ITPK1: variants seen among roughly 807,000 people sequenced by gnomAD.
The protein encoded by ITPK1 is inositol-tetrakisphosphate 1-kinase.
ITPK1 carries 21 observed loss-of-function variants against 45.3 expected under a neutral mutation model. The observed-to-expected ratio is 0.46, with a 90% CI of 0.33 to 0.67. ITPK1 has a LOEUF of 0.67. ITPK1 is among the 30% of genes least tolerant of loss of function. ITPK1 has a pLI of 0.02. For missense variants in ITPK1, 474 were observed against 573.5 expected, an observed-to-expected ratio of 0.83 and a Z score of 1.77; for synonymous variants, 258 against 253.6, an observed-to-expected ratio of 1.02 and a Z score of -0.16.
rs1357570540 is a variant in ITPK1, at chr14:93,034,174, C to T, written c.121-17373G>A. ...CCTTCCTCCCAGGTGCCCTCCCCCACATCCTGCCCCCAGCACACTGAACTG... is the reference window on the plus strand; with the variant it reads ...CCTTCCTCCCAGGTGCCCTCCCCCATATCCTGCCCCCAGCACACTGAACTG... On this transcript the variant is annotated intron_variant, in intron 3 of 10. Coordinates refer to ENST00000267615, the MANE Select transcript of ITPK1 (RefSeq NM_014216.6). The surrounding 1 kb of genome is among the most constrained non-coding windows in gnomAD (Gnocchi z 4.1). 6.6e-6 allele frequency among the ~76,000 whole-genome samples: 1 copy of T among 151,540 alleles called. No homozygotes were observed. The highest frequency in any genetic ancestry group is 2.4e-5 in the African/African-American group (1 of 41,174).
In ITPK1 at chr14:92,987,109, C is replaced by T. The variant is rs1008605650; in HGVS notation, c.364+6771G>A. Among the ~76,000 whole-genome samples the T allele has an allele frequency of 1.4e-4, 21 of 152,200 alleles. 1 individual carries two copies. The East Asian group carries it at 1.7e-3, about 13-fold the overall frequency. On this transcript the variant is annotated intron_variant, in intron 5 of 10. Coordinates refer to ENST00000267615, the MANE Select transcript of ITPK1 (RefSeq NM_014216.6). ...TCCAGGAAAAGCTGATCCAGGCTCC[C>T]GGGCCACTGTCCTCCAGGCACATAC... is the stretch of plus-strand genomic sequence containing the variant.
chr14:93,073,542 G>A (rs1353537339), intron 3 of ITPK1, among the ~76,000 whole-genome samples: 1 of 152,220 alleles, frequency 6.6e-6, no homozygotes, highest in Non-Finnish European at 1.5e-5. Context: ...ATAACAGGAA[G>A]AGAAACAACT....
At chr14:93,088,296 T>TG (rs1391221316) in intron 2 of ITPK1, among the ~76,000 whole-genome samples, 1 of 150,864 alleles carries the variant, frequency 6.6e-6, no homozygotes, top group Non-Finnish European at 1.5e-5. Context: ...CAGCAACCAC[T>TG]GGGTGGGTAC....
intron 3 of ITPK1, among the ~76,000 whole-genome samples, chr14:93,039,306 T>C (rs1275229813): frequency 6.6e-6 from 1 of 152,142 alleles, no homozygotes; most frequent in Non-Finnish European, 1.5e-5. Flanking sequence ...TCTCTCTCCT[T>C]CTCAGCTACT....
chr14:92,993,477 A>G (rs768620979), intron 5 of ITPK1, among the ~76,000 whole-genome samples: 1 of 152,090 alleles, frequency 6.6e-6, no homozygotes, highest in Non-Finnish European at 1.5e-5. Flanking sequence ...GCCACATTAC[A>G]TCTCCACGTG....
chr14:93,059,681 G>A (rs1256346390), intron 3 of ITPK1, among the ~76,000 whole-genome samples: 8 of 48,908 alleles, frequency 1.6e-4, no homozygotes, highest in African/African-American at 6.9e-4. Context: ...AGGCAGGGGT[G>A]GAGGGGGTGC....
At chr14:93,029,678 G>A (rs1197171185) in intron 3 of ITPK1, among the ~76,000 whole-genome samples, 1 of 152,168 alleles carries the variant, frequency 6.6e-6, no homozygotes, top group Non-Finnish European at 1.5e-5. Context: ...CAAGGCAGGA[G>A]ATGAGCCACC....
chr14:93,039,142 G>T (rs1369532039), intron 3 of ITPK1, among the ~76,000 whole-genome samples: 1 of 152,116 alleles, frequency 6.6e-6, no homozygotes, highest in Non-Finnish European at 1.5e-5. Context: ...GCCCACCACT[G>T]ACTTCCCCTT....
intron 4 of ITPK1, among the ~76,000 whole-genome samples, chr14:92,995,674 G>A (rs2139813172): frequency 6.6e-6 from 1 of 152,310 alleles, no homozygotes; most frequent in African/African-American, 2.4e-5. Context: ...GCACATAAGT[G>A]CGAGGACCTA....
intron 3 of ITPK1, among the ~76,000 whole-genome samples, chr14:93,053,752 G>A (rs937688095): frequency 7.9e-5 from 12 of 152,166 alleles, no homozygotes; most frequent in African/African-American, 2.7e-4. Context: ...GGGCAGATAC[G>A]GGAAGTCTCT....
chr14:93,023,323 G>A (rs1888566304), intron 3 of ITPK1, among the ~76,000 whole-genome samples: 1 of 152,240 alleles, frequency 6.6e-6, no homozygotes, highest in South Asian at 2.1e-4. Flanking sequence ...AACTGCAGGA[G>A]TAAGGTCTCC....
At chr14:93,086,968 C>T (rs1302462159) in intron 2 of ITPK1, among the ~76,000 whole-genome samples, 1 of 152,244 alleles carries the variant, frequency 6.6e-6, no homozygotes, top group Non-Finnish European at 1.5e-5. Context: ...GGGCTCTGGC[C>T]TTGACCTTGA....
Position 92,941,552 on chromosome 14 carries a change from G to A in ITPK1, c.*9C>T. Reference sequence around the variant, plus strand: ...CCCTGCGCTGCCCCTCTGGGTCCCGGCTCCGTGGCTACTGGGAGGAGGCCT... The same window carrying A: ...CCCTGCGCTGCCCCTCTGGGTCCCGACTCCGTGGCTACTGGGAGGAGGCCT... On this transcript the variant is annotated 3_prime_UTR_variant, in exon 11 of 11. Transcript: ENST00000267615. 6.6e-7 allele frequency: 1 copy of A among 1,524,904 alleles called. No homozygotes were observed. Among genetic ancestry groups the A allele is most frequent in the South Asian group, 1.2e-5 (1 of 82,284 alleles). The allele number at this position is 1,524,904 out of a possible 1,614,324, so 94.5% of individuals were successfully genotyped here.
chr14:93,091,875 G>A (rs1419363958), intron 2 of ITPK1, among the ~76,000 whole-genome samples: 1 of 152,156 alleles, frequency 6.6e-6, no homozygotes, highest in Non-Finnish European at 1.5e-5. Context: ...GAGGGATGAC[G>A]GGAGGCGCCA....
intron 2 of ITPK1, among the ~76,000 whole-genome samples, chr14:93,105,277 C>T (rs1892476270): frequency 6.6e-6 from 1 of 152,222 alleles, no homozygotes; most frequent in African/African-American, 2.4e-5. Flanking sequence ...TGGAGGGGAC[C>T]TGCCCCTGAG....
intron 3 of ITPK1, among the ~76,000 whole-genome samples, chr14:93,050,198 T>TAAAGAAAGCCC (rs930632398): frequency 3.3e-5 from 5 of 152,270 alleles, no homozygotes; most frequent in Non-Finnish European, 7.4e-5. Context: ...CGGTGCATTT[T>TAAAGAAAGCCC]AAAGAAAGCC....
chr14:93,102,834 C>T (rs1311286112), intron 2 of ITPK1, among the ~76,000 whole-genome samples: 1 of 152,146 alleles, frequency 6.6e-6, no homozygotes, highest in Non-Finnish European at 1.5e-5. Context: ...GGAGTGGTGG[C>T]TCATGCCTGT....
intron 3 of ITPK1, among the ~76,000 whole-genome samples, chr14:93,051,485 G>A (rs1486915363): frequency 2.0e-5 from 3 of 152,152 alleles, no homozygotes; most frequent in South Asian, 2.1e-4. Flanking sequence ...GCTTGGTGGC[G>A]CATGCCTGTA....
chr14:92,962,676 T>C, intron 6 of ITPK1, 75 bp downstream of exon 6: 1 of 1,171,552 alleles, frequency 8.5e-7, no homozygotes. Context: ...GAGGGCACTA[T>C]AAACCCAGCC....
Sources: allele counts gnomAD v4.1 joint callset (sites outside exome capture counted in the v4.1 genomes callset), GRCh38; gene constraint gnomAD v4.1.1; non-coding constraint Gnocchi (gnomAD v3.1); transcripts MANE v1.5; gene names NCBI Gene and HGNC (gene_info 2026-07-23, HGNC 2026-07-21).